Variants in KCNQ1 observed in about 807,000 individuals in gnomAD.
The protein encoded by KCNQ1 is potassium voltage-gated channel subfamily KQT member 1.
In KCNQ1, 49 loss-of-function variants were observed where a neutral mutation model predicts 72.4. That is an observed-to-expected ratio of 0.68 (90% CI 0.54 to 0.86). The LOEUF is 0.86. KCNQ1 is among the 40% of genes least tolerant of loss of function. The pLI, the probability that KCNQ1 is intolerant of heterozygous loss-of-function variation, is 0.00. For synonymous variants in KCNQ1, 450 were observed against 412.6 expected (o/e 1.09, Z -1.10); for missense variants, 790 against 945.1 (o/e 0.84, Z 2.15).
Position 2,664,901 on chromosome 11 carries a change from C to G in KCNQ1, c.1514+2820C>G. On this transcript the variant is annotated intron_variant, in intron 11 of 15. Transcript: ENST00000155840. This position sits in a 1 kb window ranked among gnomAD's most constrained non-coding sequence, Gnocchi z 5.1. Reference sequence around the variant, plus strand: ...ACATAAATAAAGACACATTTTGTTTCCATCTCGAGCTCTCCCCGCCCGCAG... The same window carrying G: ...ACATAAATAAAGACACATTTTGTTTGCATCTCGAGCTCTCCCCGCCCGCAG... The G allele has an allele frequency of 2.5e-6, 1 of 398,674 alleles. No individual in the cohort carries two copies. The highest frequency in any genetic ancestry group is 4.4e-6 in the Non-Finnish European group (1 of 226,086). 24.7% of individuals were successfully genotyped at this position (398,674 alleles called of 1,614,324 possible).
Position 2,482,099 on chromosome 11 carries a change from G to A in KCNQ1, c.386+36615G>A, listed in dbSNP as rs1306478507. Among the ~76,000 whole-genome samples the A allele has an allele frequency of 6.6e-6, 1 of 152,148 alleles. No individual in the cohort carries two copies. The highest frequency in any genetic ancestry group is 2.4e-5 in the African/African-American group (1 of 41,420). ...AACGATGGGAGCCCTCACCTCGTAT[G>A]GTGGTTTGAGGATTGAATGAACTCA... On this transcript the variant is annotated intron_variant, in intron 1 of 15. Coordinates refer to ENST00000155840, the MANE Select transcript of KCNQ1 (RefSeq NM_000218.3). This position sits in a 1 kb window ranked among gnomAD's most constrained non-coding sequence, Gnocchi z 5.7.
rs193067599 is a variant in KCNQ1, at chr11:2,523,649, G to T, written c.387-4279G>T. ...TCTTTTAGAAGGGCAGCTGTGAAGT[G>T]GGGTTATCTCAGCTTCCACATTGCA... On this transcript the variant is annotated intron_variant, in intron 1 of 15. Coordinates refer to ENST00000155840, the MANE Select transcript of KCNQ1 (RefSeq NM_000218.3). Among the ~76,000 whole-genome samples the T allele has an allele frequency of 1.5e-3, 226 of 152,106 alleles. 4 individuals are homozygous for T. The South Asian group carries it at 0.02, about 14-fold the overall frequency.
rs1305072056 is a variant in KCNQ1 at position 2,762,529 on chromosome 11, G to A, written c.1515-6315G>A. ...CCAGTGGCCACAGGAGGGTTTGTGTGTCTAATGTCCTATTCCACGGGTCCC... is the reference window on the plus strand; with the variant it reads ...CCAGTGGCCACAGGAGGGTTTGTGTATCTAATGTCCTATTCCACGGGTCCC... On this transcript the variant is annotated intron_variant, in intron 11 of 15. Transcript: ENST00000155840. The surrounding 1 kb of genome is among the most constrained non-coding windows in gnomAD (Gnocchi z 4.3). Among the ~76,000 whole-genome samples, 1 of 152,178 alleles carries A rather than the reference G, an allele frequency of 6.6e-6. No individual in the cohort carries two copies. Among genetic ancestry groups the A allele is most frequent in the Non-Finnish European group, 1.5e-5 (1 of 68,034 alleles).
intron 1 of KCNQ1, among the ~76,000 whole-genome samples, chr11:2,485,449 G>A (rs557513932): frequency 4.9e-5 from 7 of 143,284 alleles, no homozygotes; most frequent in South Asian, 4.4e-4. Flanking sequence ...GAAAATACAC[G>A]TGTGTTTTCC....
At position 2,674,292 on chromosome 11, in the gene KCNQ1, A is replaced by G. The variant is rs1850247465; in HGVS notation, c.1514+12211A>G. ...GGCACACACACTAGGACCTTTCTTC[A>G]TCATGCAGCCGTAGAGCTGGAGGCC... On this transcript the variant is annotated intron_variant, in intron 11 of 15. Transcript: ENST00000155840. The surrounding 1 kb of genome is among the most constrained non-coding windows in gnomAD (Gnocchi z 5.9). 5.0e-6 allele frequency: 2 copies of G among 398,606 alleles called. No homozygotes were observed. The highest frequency in any genetic ancestry group is 4.4e-6 in the Non-Finnish European group (1 of 226,098). The allele number at this position is 398,606 out of a possible 1,614,324, so 24.7% of individuals were successfully genotyped here.
intron 10 of KCNQ1, chr11:2,618,876 C>A (rs1240906083): frequency 2.5e-6 from 1 of 398,080 alleles, no homozygotes; most frequent in African/African-American, 2.1e-5. Flanking sequence ...TCATAGTTTT[C>A]AGTGTACAGG....
chr11:2,544,284 A>ATATATG lies in KCNQ1; in HGVS notation c.477+16271_477+16272insGTATAT, dbSNP rs1554890004. ...TGTGTGTGTGTGTATATATATGTGT[A>ATATATG]TATATATATGTATATATGTGTATAT... On this transcript the variant is annotated intron_variant, in intron 2 of 15. Coordinates refer to ENST00000155840, the MANE Select transcript of KCNQ1 (RefSeq NM_000218.3). The surrounding 1 kb of genome is among the most constrained non-coding windows in gnomAD (Gnocchi z 4.4). Among the ~76,000 whole-genome samples the ATATATG allele has an allele frequency of 5.1e-5, 7 of 136,402 alleles. No individual in the cohort carries two copies. Among genetic ancestry groups the ATATATG allele is most frequent in the African/African-American group, 2.0e-4 (7 of 35,878 alleles). 89.5% of individuals were successfully genotyped at this position (136,402 alleles called of 152,430 possible).
intron 10 of KCNQ1, chr11:2,637,961 T>C (rs1355237224): frequency 6.6e-6 from 1 of 152,240 alleles, no homozygotes; most frequent in African/African-American, 2.4e-5. Context: ...TTGATCTTTA[T>C]TGGTTTAAAG....
rs551999420 is a variant in KCNQ1, at chr11:2,834,000, C to T, written c.1795-13767C>T. On this transcript the variant is annotated intron_variant, in intron 15 of 15. Transcript: ENST00000155840. ...GGGGCTGGGGGGCAGCAGAACCCCA[C>T]TTAGCCACAAGGAGTGCAGCCAGGG... Among the ~76,000 whole-genome samples, 246 of 152,340 alleles carry T rather than the reference C, an allele frequency of 1.6e-3. 1 individual carries two copies. The highest frequency in any genetic ancestry group is 5.6e-3 in the African/African-American group (234 of 41,574).
At chr11:2,534,086 C>A (rs761516561) in intron 2 of KCNQ1, among the ~76,000 whole-genome samples, 2 of 152,250 alleles carry the variant, frequency 1.3e-5, no homozygotes, top group South Asian at 4.1e-4. Context: ...CAGCACACAG[C>A]GAGGCCTCAG....
Position 2,715,283 on chromosome 11 carries a change from G to A in KCNQ1, c.1514+53202G>A, listed in dbSNP as rs1301489936. 6.6e-6 allele frequency among the ~76,000 whole-genome samples: 1 copy of A among 152,142 alleles called. No homozygotes were observed. The highest frequency in any genetic ancestry group is 1.9e-4 in the East Asian group (1 of 5,184). The stretch of plus-strand genomic sequence containing the variant: ...GCCTCTGTCTGACTCTCTGCTCTCT[G>A]GAGAGCTCAAGGGAACCTGTAAAGA... On this transcript the variant is annotated intron_variant, in intron 11 of 15. Coordinates refer to ENST00000155840, the MANE Select transcript of KCNQ1 (RefSeq NM_000218.3). This position sits in a 1 kb window ranked among gnomAD's most constrained non-coding sequence, Gnocchi z 4.9.
At position 2,769,662 on chromosome 11, in the gene KCNQ1, G is replaced by A. The variant is rs1322033582; in HGVS notation, c.1590+743G>A. 3.3e-5 allele frequency among the ~76,000 whole-genome samples: 5 copies of A among 152,172 alleles called. No homozygotes were observed. Among genetic ancestry groups the A allele is most frequent in the Non-Finnish European group, 5.9e-5 (4 of 68,024 alleles). On this transcript the variant is annotated intron_variant, in intron 12 of 15. Coordinates refer to ENST00000155840, the MANE Select transcript of KCNQ1 (RefSeq NM_000218.3). The surrounding 1 kb of genome is among the most constrained non-coding windows in gnomAD (Gnocchi z 4.6). The stretch of plus-strand genomic sequence containing the variant: ...CTGGCTTGGAAATACATGTGTAGGT[G>A]TGGGAACCCCGTATCCTCTGTGGTG...
intron 15 of KCNQ1, among the ~76,000 whole-genome samples, chr11:2,843,586 G>A (rs560413769): frequency 4.6e-5 from 7 of 152,396 alleles, no homozygotes; most frequent in African/African-American, 1.7e-4. Flanking sequence ...TCTCCCGCCT[G>A]TCCCTGGCCA....
chr11:2,748,981 GA>G lies in KCNQ1; in HGVS notation c.1515-19862del, dbSNP rs1314795069. Among the ~76,000 whole-genome samples, 2 of 152,372 alleles carry G rather than the reference GA, an allele frequency of 1.3e-5. No homozygotes were observed. The highest frequency in any genetic ancestry group is 6.5e-5 in the Admixed American group (1 of 15,306). ...TGACGTGAGCTATTCAAAATGGCGG[GA>G]GGGGCGAGGCCTCTGGAGCAAGGAA... On this transcript the variant is annotated intron_variant, in intron 11 of 15. Coordinates refer to ENST00000155840, the MANE Select transcript of KCNQ1 (RefSeq NM_000218.3). The surrounding 1 kb of genome is among the most constrained non-coding windows in gnomAD (Gnocchi z 6.2).
chr11:2,671,851 C>T lies in KCNQ1; in HGVS notation c.1514+9770C>T, dbSNP rs1454018160. Reference sequence around the variant, plus strand: ...GTGGTTATAGGTCTGAGCCTTCTGCCCCAGGGAGCCAAGCCCTGGAGAGGA... The same window carrying T: ...GTGGTTATAGGTCTGAGCCTTCTGCTCCAGGGAGCCAAGCCCTGGAGAGGA... On this transcript the variant is annotated intron_variant, in intron 11 of 15. Coordinates refer to ENST00000155840, the MANE Select transcript of KCNQ1 (RefSeq NM_000218.3). This position sits in a 1 kb window ranked among gnomAD's most constrained non-coding sequence, Gnocchi z 4.7. 2.5e-6 allele frequency: 1 copy of T among 398,688 alleles called. No individual in the cohort carries two copies. The highest frequency in any genetic ancestry group is 3.6e-5 in the East Asian group (1 of 28,084). 24.7% of individuals were successfully genotyped at this position (398,688 alleles called of 1,614,324 possible). A position where few individuals can be genotyped will look rare whatever the true frequency, so the allele number is the denominator to read the frequency against.
intron 1 of KCNQ1, among the ~76,000 whole-genome samples, chr11:2,466,334 C>T (rs905396892): frequency 5.3e-5 from 8 of 152,140 alleles, no homozygotes; most frequent in Non-Finnish European, 4.4e-5. Context: ...CTGGCTGGGA[C>T]TTCCCCTCCC....
rs545075013 is a variant in KCNQ1 at position 2,620,389 on chromosome 11, T to C, written c.1393+31535T>C. On this transcript the variant is annotated intron_variant, in intron 10 of 15. Transcript: ENST00000155840. The surrounding 1 kb of genome is among the most constrained non-coding windows in gnomAD (Gnocchi z 4.5). ...GCGCCACCACGTCCAGCTAATTTTGTAGTTTTAGTAGAGACAGGGTTTTTC... is the reference window on the plus strand; with the variant it reads ...GCGCCACCACGTCCAGCTAATTTTGCAGTTTTAGTAGAGACAGGGTTTTTC... 2 of 211,156 alleles carry C rather than the reference T, an allele frequency of 9.5e-6. No homozygotes were observed. The highest frequency in any genetic ancestry group is 1.9e-4 in the South Asian group (1 of 5,342). 13.1% of individuals were successfully genotyped at this position (211,156 alleles called of 1,614,324 possible). A position where few individuals can be genotyped will look rare whatever the true frequency, so the allele number is the denominator to read the frequency against.
rs1212672988 is a variant in KCNQ1, at chr11:2,759,142, A to G, written c.1515-9702A>G. On this transcript the variant is annotated intron_variant, in intron 11 of 15. Transcript: ENST00000155840. This position sits in a 1 kb window ranked among gnomAD's most constrained non-coding sequence, Gnocchi z 4.4. ...TTTTTTCCCAACTTCCTAGGAGTCT[A>G]TAATTGTTTCAAAATAAAAAGAAGC... 6.6e-6 allele frequency among the ~76,000 whole-genome samples: 1 copy of G among 150,936 alleles called. No individual in the cohort carries two copies. The highest frequency in any genetic ancestry group is 2.4e-5 in the African/African-American group (1 of 40,912).
Position 2,471,830 on chromosome 11 carries a change from G to C in KCNQ1, c.386+26346G>C, listed in dbSNP as rs532042426. On this transcript the variant is annotated intron_variant, in intron 1 of 15. Coordinates refer to ENST00000155840, the MANE Select transcript of KCNQ1 (RefSeq NM_000218.3). The surrounding 1 kb of genome is among the most constrained non-coding windows in gnomAD (Gnocchi z 4.8). Reference sequence around the variant, plus strand: ...GGTGTGTGTGCACGTGTATGGGTGCGTGTGCACCTATGTGTGTATAGGTGT... The same window carrying C: ...GGTGTGTGTGCACGTGTATGGGTGCCTGTGCACCTATGTGTGTATAGGTGT... Among the ~76,000 whole-genome samples the C allele has an allele frequency of 6.6e-6, 1 of 152,114 alleles. No individual in the cohort carries two copies. The highest frequency in any genetic ancestry group is 1.9e-4 in the East Asian group (1 of 5,168).
Sources: gnomAD v4.1 joint callset for allele counts (sites outside exome capture counted in the v4.1 genomes callset) on GRCh38, gnomAD v4.1.1 for gene constraint, Gnocchi (gnomAD v3.1) non-coding constraint, MANE v1.5 for transcripts, NCBI Gene and HGNC (gene_info 2026-07-23, HGNC 2026-07-21) for gene names.